Variants in NTRK3 observed in about 807,000 individuals in gnomAD.
NTRK3 encodes the protein neurotrophic receptor tyrosine kinase 3.
Under a neutral mutation model 91.7 loss-of-function variants are expected in NTRK3, and 24 were observed. The observed-to-expected ratio is 0.26, with a 90% CI of 0.19 to 0.37. The LOEUF is 0.37. Among genes scored for constraint, NTRK3 ranks in the 10% least tolerant of loss-of-function variants. The pLI is 1.00. For synonymous variants in NTRK3, 483 were observed against 404.0 expected, an observed-to-expected ratio of 1.20 and a Z score of -2.34; for missense variants, 880 against 1,068.9, an observed-to-expected ratio of 0.82 and a Z score of 2.46.
chr15:87,938,589 A>G (rs982613980), intron 15 of NTRK3, among the ~76,000 whole-genome samples: 2 of 152,176 alleles, frequency 1.3e-5, no homozygotes, highest in African/African-American at 4.8e-5. Context: ...CATTTTCTGC[A>G]TTACTCGGTC....
chr15:87,979,333 T>G, intron 14 of NTRK3: 4 of 1,580,932 alleles, frequency 2.5e-6, no homozygotes, highest in Non-Finnish European at 2.6e-6. Context: ...CAAGGAGGCT[T>G]AAAAGGAGTT....
rs145524150 is a variant in NTRK3 at position 87,938,873 on chromosome 15, T to C, written c.1716+1750A>G. On this transcript the variant is annotated intron_variant, in intron 15 of 18. Coordinates refer to ENST00000394480, the Ensembl canonical transcript of NTRK3. ...TGTCCATCTGACCATCTCATGTCTA[T>C]GCAGGCACACTGAGCAAGTTTATTT... Among the ~76,000 whole-genome samples, 672 of 152,362 alleles carry C rather than the reference T, an allele frequency of 4.4e-3. 12 individuals carry two copies. The highest frequency in any genetic ancestry group is 0.04 in the Admixed American group (616 of 15,310).
At chr15:87,940,832 C>A (rs2142022110) in intron 14 of NTRK3, 79 bp from the exon 15 acceptor site, 1 of 1,604,756 alleles carries the variant, frequency 6.2e-7, no homozygotes, top group Non-Finnish European at 8.5e-7. Flanking sequence ...GTACAGAGGT[C>A]TAGCGTGGAG....
At chr15:87,994,873 G>A (rs1473962421) in intron 14 of NTRK3, among the ~76,000 whole-genome samples, 3 of 152,104 alleles carry the variant, frequency 2.0e-5, no homozygotes. Context: ...ATTTAGATGT[G>A]GGCACTGGTA....
intron 13 of NTRK3, among the ~76,000 whole-genome samples, chr15:88,101,967 T>C (rs2050220576): frequency 6.6e-6 from 1 of 152,176 alleles, no homozygotes; most frequent in South Asian, 2.1e-4. Flanking sequence ...TATACATATG[T>C]AACAAACCTG....
rs367699109 is a variant in NTRK3, at chr15:88,140,780, A to C, written c.465-3219T>G. On this transcript the variant is annotated intron_variant, in intron 6 of 18. Transcript: ENST00000394480. ...ACAGATTCTATTTCATTGTCTCCTGAAAAGGTCTTAGGGCCCCCCCAGGAC... is the reference window on the plus strand; with the variant it reads ...ACAGATTCTATTTCATTGTCTCCTGCAAAGGTCTTAGGGCCCCCCCAGGAC... 5.3e-5 allele frequency among the ~76,000 whole-genome samples: 8 copies of C among 152,298 alleles called. No homozygotes were observed. In the East Asian group the frequency reaches 9.7e-4, roughly 18 times the overall value.
Position 87,896,328 on chromosome 15 carries a change from G to C in NTRK3, c.2134-15900C>G, listed in dbSNP as rs552965919. Among the ~76,000 whole-genome samples, 215 of 152,136 alleles carry C rather than the reference G, an allele frequency of 1.4e-3. 1 individual carries two copies. The highest frequency in any genetic ancestry group is 1.7e-3 in the Non-Finnish European group (113 of 68,002). ...TCTACTAAAAATACAAAAATTAGCT[G>C]GGCGTGGTGGCGCACACCTGTAGTC... On this transcript the variant is annotated intron_variant, in intron 17 of 18. Transcript: ENST00000394480.
At chr15:87,866,386 C>T in exon 19 of NTRK3, 1 of 176,270 alleles carries the variant, frequency 5.7e-6, no homozygotes, top group East Asian at 9.8e-5. Context: ...CAATATGGAA[C>T]TATCCCCAGC....
At chr15:88,137,376 C>T in intron 7 of NTRK3, 28 bp downstream of exon 7, 1 of 1,611,904 alleles carries the variant, frequency 6.2e-7, no homozygotes, top group Admixed American at 1.7e-5. Flanking sequence ...TCCCTGGAGC[C>T]AGCTGGGCCA....
chr15:87,935,900 C>T (rs925945863), intron 15 of NTRK3, among the ~76,000 whole-genome samples: 1 of 152,192 alleles, frequency 6.6e-6, no homozygotes, highest in Admixed American at 6.5e-5. Context: ...CTTCTCTGTG[C>T]TTTCAAAGTG....
chr15:87,872,826 A>G, exon 19 of NTRK3: 1 of 232,896 alleles, frequency 4.3e-6, no homozygotes, highest in Non-Finnish European at 8.5e-6. Context: ...GTACATATAT[A>G]TCAGGTGGGA....
At chr15:88,245,146 T>G (rs184464722) in intron 3 of NTRK3, among the ~76,000 whole-genome samples, 1 of 152,330 alleles carries the variant, frequency 6.6e-6, no homozygotes, top group Admixed American at 6.5e-5. Flanking sequence ...CTTGCCTCCG[T>G]CAGCTTTGTC....
intron 3 of NTRK3, among the ~76,000 whole-genome samples, chr15:88,190,745 C>A (rs944251632): frequency 8.5e-5 from 13 of 152,118 alleles, no homozygotes; most frequent in African/African-American, 2.4e-4. Flanking sequence ...TGCCTTCAGG[C>A]CAGTTACTAG....
chr15:87,874,913 G>A (rs530813349), exon 19 of NTRK3: 1 of 232,672 alleles, frequency 4.3e-6, no homozygotes, highest in Non-Finnish European at 8.5e-6. Flanking sequence ...AGCACAGTGA[G>A]AAAACCAACA....
chr15:88,002,537 T>G (rs1225188869), intron 14 of NTRK3, among the ~76,000 whole-genome samples: 2 of 152,104 alleles, frequency 1.3e-5, no homozygotes, highest in Non-Finnish European at 2.9e-5. Flanking sequence ...GAATCTGAGA[T>G]CTCTGCTTTA....
At chr15:88,112,779 AC>A (rs1457852879) in intron 13 of NTRK3, among the ~76,000 whole-genome samples, 1 of 152,166 alleles carries the variant, frequency 6.6e-6, no homozygotes, top group Non-Finnish European at 1.5e-5. Flanking sequence ...TTCTATAGCA[AC>A]AGCACTCTCC....
In NTRK3 at chr15:87,967,435, G is replaced by C. The variant is rs530463880; in HGVS notation, c.1586-26682C>G. Among the ~76,000 whole-genome samples the C allele has an allele frequency of 1.3e-5, 2 of 152,290 alleles. 1 individual carries two copies. Among genetic ancestry groups the C allele is most frequent in the South Asian group, 4.1e-4 (2 of 4,820 alleles). ...CCCAGCTTAGGAGAAAGAGGAAGGAGGTGCCAGAGTGTCTAAACTTAAATA... is the reference window on the plus strand; with the variant it reads ...CCCAGCTTAGGAGAAAGAGGAAGGACGTGCCAGAGTGTCTAAACTTAAATA... On this transcript the variant is annotated intron_variant, in intron 14 of 18. Transcript: ENST00000394480.
intron 10 of NTRK3, among the ~76,000 whole-genome samples, chr15:88,133,407 A>C (rs1271847685): frequency 6.6e-6 from 1 of 152,146 alleles, no homozygotes; most frequent in Non-Finnish European, 1.5e-5. Flanking sequence ...AGAAGGAGCC[A>C]GAGTGTCTTC....
chr15:88,172,897 G>A (rs1287075039), intron 5 of NTRK3, among the ~76,000 whole-genome samples: 1 of 152,194 alleles, frequency 6.6e-6, no homozygotes, highest in Non-Finnish European at 1.5e-5. Flanking sequence ...GGTACCAGGA[G>A]CAGTACCTTT....
Sources: gnomAD v4.1 joint callset for allele counts (sites outside exome capture counted in the v4.1 genomes callset) on GRCh38, gnomAD v4.1.1 for gene constraint, MANE v1.5 for transcripts, NCBI Gene and HGNC (gene_info 2026-07-23, HGNC 2026-07-21) for gene names.